CFAP144: variants seen among roughly 807,000 people sequenced by gnomAD.
CFAP144 encodes cilia- and flagella-associated protein 144.
the CFAP144 span, among the ~76,000 whole-genome samples, chr1:43,153,408 G>A: frequency 7.2e-5 from 11 of 152,204 alleles, no homozygotes; most frequent in Admixed American, 2.6e-4. Flanking sequence ...TCAAGAGTTT[G>A]AGACCAGCCT....
At chr1:43,154,261 T>A in the CFAP144 span, among the ~76,000 whole-genome samples, 1 of 144,654 alleles carries the variant, frequency 6.9e-6, no homozygotes, top group Non-Finnish European at 1.5e-5. Flanking sequence ...TTAAATAAAA[T>A]TTTATATAAA....
chr1:43,155,019 G>GT, the CFAP144 span, among the ~76,000 whole-genome samples: 19 of 152,162 alleles, frequency 1.2e-4, no homozygotes, highest in East Asian at 2.9e-3. Flanking sequence ...GATATTAAAG[G>GT]TAGGGGGTTC....
the CFAP144 span, chr1:43,145,366 G>T: frequency 5.5e-5 from 65 of 1,187,728 alleles, no homozygotes; most frequent in Non-Finnish European, 7.0e-5. Flanking sequence ...AGGGCACAAG[G>T]TCCCTGCTGT....
At chr1:43,145,200 G>A in the CFAP144 span, 165 of 1,466,666 alleles carry the variant, frequency 1.1e-4, no homozygotes, top group East Asian at 1.3e-3. Flanking sequence ...GCTTCTCCAC[G>A]GAACTTGGTC....
At chr1:43,146,585 G>A in the CFAP144 span, among the ~76,000 whole-genome samples, 1 of 152,094 alleles carries the variant, frequency 6.6e-6, no homozygotes, top group Non-Finnish European at 1.5e-5. Context: ...CCACACAGAG[G>A]GAAAATACAT....
At chr1:43,150,806 A>G in the CFAP144 span, 6 of 1,610,026 alleles carry the variant, frequency 3.7e-6, no homozygotes, top group Non-Finnish European at 5.1e-6. Flanking sequence ...GATAACCTGG[A>G]GGAACCTGCA....
the CFAP144 span, chr1:43,150,946 G>A: frequency 1.4e-5 from 10 of 731,730 alleles, no homozygotes; most frequent in East Asian, 5.4e-5. Flanking sequence ...CCTGGAAATG[G>A]GACTCATACT....
the CFAP144 span, chr1:43,150,717 C>T: frequency 4.5e-6 from 7 of 1,543,122 alleles, no homozygotes; most frequent in East Asian, 2.3e-5. Flanking sequence ...GCAGGGAACT[C>T]ATGTTTTAAT....
the CFAP144 span, chr1:43,147,827 C>A: frequency 1.5e-5 from 23 of 1,516,124 alleles, no homozygotes; most frequent in East Asian, 5.7e-4. Flanking sequence ...CCGCCCCGAC[C>A]GGGCAGCACT....
chr1:43,154,140 A>T, the CFAP144 span, among the ~76,000 whole-genome samples: 5 of 134,728 alleles, frequency 3.7e-5, no homozygotes, highest in Non-Finnish European at 8.0e-5. Context: ...CTCCCTTTTT[A>T]TATATATATT....
At chr1:43,152,626 A>G in the CFAP144 span, 7 of 509,322 alleles carry the variant, frequency 1.4e-5, no homozygotes, top group East Asian at 3.0e-5. Flanking sequence ...GCCCGGAAGC[A>G]TGTCTGGCAC....
At chr1:43,152,193 C>T in the CFAP144 span, among the ~76,000 whole-genome samples, 1 of 152,256 alleles carries the variant, frequency 6.6e-6, no homozygotes, top group East Asian at 1.9e-4. Context: ...GGTGGAGACT[C>T]GATAGGGCAG....
chr1:43,145,565 C>T, the CFAP144 span, among the ~76,000 whole-genome samples: 1 of 152,172 alleles, frequency 6.6e-6, no homozygotes, highest in Non-Finnish European at 1.5e-5. Context: ...TCAGGCAGCA[C>T]TTCTACTTCA....
the CFAP144 span, chr1:43,148,023 C>T: frequency 6.2e-7 from 1 of 1,613,894 alleles, no homozygotes; most frequent in South Asian, 1.1e-5. Flanking sequence ...GGGAACTGTA[C>T]CTCAAGGAGC....
chr1:43,148,634 C>T, the CFAP144 span, among the ~76,000 whole-genome samples: 1 of 152,174 alleles, frequency 6.6e-6, no homozygotes. Flanking sequence ...CCCTGGACAA[C>T]CCACAGGCAC....
chr1:43,156,311 T>C, the CFAP144 span: 1 of 1,611,938 alleles, frequency 6.2e-7, no homozygotes, highest in Non-Finnish European at 8.5e-7. Flanking sequence ...TCACCACAAG[T>C]AGCATCCCAG....
the CFAP144 span, among the ~76,000 whole-genome samples, chr1:43,153,237 G>A: frequency 7.9e-5 from 12 of 152,330 alleles, no homozygotes; most frequent in African/African-American, 2.9e-4. Context: ...AGATACCTGA[G>A]TCAGCTCCAT....
chr1:43,150,612 G>A, the CFAP144 span: 40 of 655,534 alleles, frequency 6.1e-5, no homozygotes, highest in Middle Eastern at 2.5e-4. Flanking sequence ...TTATCCAATC[G>A]TGCATTATCC....
At chr1:43,149,293 T>G in the CFAP144 span, among the ~76,000 whole-genome samples, 10 of 152,344 alleles carry the variant, frequency 6.6e-5, no homozygotes, top group African/African-American at 2.4e-4. Flanking sequence ...CCTGCTCCTT[T>G]AAGAAATACT....
Sources: allele counts gnomAD v4.1 joint callset (sites outside exome capture counted in the v4.1 genomes callset), GRCh38; gene constraint gnomAD v4.1.1; transcripts MANE v1.5; gene names NCBI Gene and HGNC (gene_info 2026-07-23, HGNC 2026-07-21).